HCN1: variants seen among roughly 807,000 people sequenced by gnomAD.
HCN1 encodes the protein hyperpolarization activated cyclic nucleotide gated potassium channel 1, also known as potassium/sodium hyperpolarization-activated cyclic nucleotide-gated channel 1.
Under a neutral mutation model 78.9 loss-of-function variants are expected in HCN1, and 13 were observed. The ratio of observed to expected loss-of-function variants is 0.16; its 90% CI spans 0.11 to 0.26. The LOEUF (loss-of-function observed/expected upper bound fraction) is 0.26. HCN1 is among the 10% of genes least tolerant of loss of function. The pLI is 1.00. For missense variants in HCN1, 810 were observed against 1,154.3 expected (o/e 0.70, Z 4.32); for synonymous variants, 552 against 455.5 (o/e 1.21, Z -2.70).
intron 2 of HCN1, among the ~76,000 whole-genome samples, chr5:45,475,604 G>A (rs867879837): frequency 3.3e-5 from 5 of 152,116 alleles, no homozygotes; most frequent in East Asian, 1.9e-4. Context: ...AAATGGAGGC[G>A]TCCAAAAGGT....
intron 2 of HCN1, among the ~76,000 whole-genome samples, chr5:45,472,656 G>C: frequency 7.6e-6 from 1 of 132,118 alleles, no homozygotes; most frequent in East Asian, 2.5e-4. Context: ...AGAAAGGAGA[G>C]GGGGGAGATC....
chr5:45,483,857 A>C (rs1741706041), intron 2 of HCN1, among the ~76,000 whole-genome samples: 2 of 152,178 alleles, frequency 1.3e-5, no homozygotes, highest in Admixed American at 6.5e-5. Flanking sequence ...TTATCCTAGC[A>C]CTATATACTG....
intron 1 of HCN1, among the ~76,000 whole-genome samples, chr5:45,658,321 G>A (rs543100682): frequency 1.3e-4 from 20 of 152,306 alleles, no homozygotes; most frequent in Admixed American, 7.8e-4. Flanking sequence ...TCAGGACATA[G>A]GCATGGGCAA....
intron 1 of HCN1, among the ~76,000 whole-genome samples, chr5:45,675,023 T>C (rs757381803): frequency 4.0e-5 from 6 of 151,812 alleles, no homozygotes; most frequent in African/African-American, 9.7e-5. Flanking sequence ...TTCCCAACTA[T>C]TGCTACTTAG....
chr5:45,547,708 CA>C, intron 2 of HCN1, among the ~76,000 whole-genome samples: 1 of 151,650 alleles, frequency 6.6e-6, no homozygotes, highest in African/African-American at 2.4e-5. Flanking sequence ...TGTGTCAAGC[CA>C]TTTTTTTAAT....
At chr5:45,690,587 CT>C (rs747383605) in intron 1 of HCN1, among the ~76,000 whole-genome samples, 12 of 151,546 alleles carry the variant, frequency 7.9e-5, no homozygotes, top group Non-Finnish European at 1.8e-4. Flanking sequence ...TTTTTTTTTC[CT>C]GTAAAACTAA....
chr5:45,446,282 G>C (rs1740795408), intron 3 of HCN1, among the ~76,000 whole-genome samples: 1 of 152,202 alleles, frequency 6.6e-6, no homozygotes, highest in Non-Finnish European at 1.5e-5. Flanking sequence ...GGAAGAAAGG[G>C]TATGAGTGAC....
intron 2 of HCN1, among the ~76,000 whole-genome samples, chr5:45,568,760 T>C (rs1485736750): frequency 6.6e-6 from 1 of 152,112 alleles, no homozygotes; most frequent in African/African-American, 2.4e-5. Flanking sequence ...ACCACTAGGT[T>C]CTTTTTTTAA....
intron 2 of HCN1, chr5:45,642,957 C>T (rs1020726444): frequency 1.3e-5 from 2 of 152,064 alleles, no homozygotes; most frequent in East Asian, 3.9e-4. Context: ...CATTCTTCAC[C>T]TAAATGGGCT....
chr5:45,652,340 A>T (rs984879817), intron 1 of HCN1, among the ~76,000 whole-genome samples: 2 of 151,702 alleles, frequency 1.3e-5, no homozygotes, highest in African/African-American at 4.8e-5. Flanking sequence ...GATTTCTATG[A>T]CTCTACATTA....
chr5:45,530,787 C>A (rs1429070642), intron 2 of HCN1, among the ~76,000 whole-genome samples: 2 of 152,032 alleles, frequency 1.3e-5, no homozygotes, highest in African/African-American at 4.8e-5. Context: ...GTGGTAGGTT[C>A]TATTATTAAC....
intron 2 of HCN1, among the ~76,000 whole-genome samples, chr5:45,537,668 G>T (rs955433027): frequency 2.0e-5 from 3 of 150,790 alleles, no homozygotes; most frequent in Non-Finnish European, 2.9e-5. Context: ...CTCCCGAGTA[G>T]CTGGAGTTAC....
At chr5:45,306,858 G>A (rs913024014) in intron 5 of HCN1, among the ~76,000 whole-genome samples, 1 of 152,074 alleles carries the variant, frequency 6.6e-6, no homozygotes, top group Non-Finnish European at 1.5e-5. Flanking sequence ...AAGGTTGCTT[G>A]CTAAGGAAGG....
chr5:45,365,361 T>C (rs1197871504), intron 4 of HCN1, among the ~76,000 whole-genome samples: 2 of 151,880 alleles, frequency 1.3e-5, no homozygotes, highest in African/African-American at 4.8e-5. Flanking sequence ...TCCACCCTTT[T>C]GGAGTCCCCA....
chr5:45,277,281 G>C (rs1338216688), intron 6 of HCN1, among the ~76,000 whole-genome samples: 1 of 152,070 alleles, frequency 6.6e-6, no homozygotes, highest in African/African-American at 2.4e-5. Flanking sequence ...TGCCAAATGA[G>C]CTGGAAGGGA....
At chr5:45,602,965 C>T (rs1449417352) in intron 2 of HCN1, among the ~76,000 whole-genome samples, 3 of 152,114 alleles carry the variant, frequency 2.0e-5, no homozygotes, top group Non-Finnish European at 2.9e-5. Flanking sequence ...AATCAAATAT[C>T]TGTCCAATTC....
intron 2 of HCN1, among the ~76,000 whole-genome samples, chr5:45,474,073 C>A (rs1579917297): frequency 6.6e-6 from 1 of 151,774 alleles, no homozygotes; most frequent in African/African-American, 2.4e-5. Context: ...ACTCTCAGAT[C>A]TCTCTAGTTC....
At chr5:45,278,031 G>T (rs1032991975) in intron 6 of HCN1, among the ~76,000 whole-genome samples, 2 of 151,948 alleles carry the variant, frequency 1.3e-5, no homozygotes, top group Non-Finnish European at 1.5e-5. Flanking sequence ...TTTTCTTCCT[G>T]TGATCCCTTA....
chr5:45,321,796 CT>C (rs1746132450), intron 5 of HCN1, among the ~76,000 whole-genome samples: 3 of 151,720 alleles, frequency 2.0e-5, no homozygotes, highest in African/African-American at 7.3e-5. Context: ...TTTTAAAAAT[CT>C]TGCATTTTAT....
Sources: gnomAD v4.1 joint callset for allele counts (sites outside exome capture counted in the v4.1 genomes callset) on GRCh38, gnomAD v4.1.1 for gene constraint, MANE v1.5 for transcripts, NCBI Gene and HGNC (gene_info 2026-07-23, HGNC 2026-07-21) for gene names.